The following TTC8 variants were observed in gnomAD, a reference collection of about 807,000 sequenced individuals.
The protein encoded by TTC8 is tetratricopeptide repeat protein 8.
Under a neutral mutation model 72.5 loss-of-function variants are expected in TTC8, and 47 were observed. The ratio of observed to expected loss-of-function variants is 0.65; its 90% CI spans 0.51 to 0.83. The LOEUF is 0.83. Ranked by LOEUF, TTC8 falls within the 40% of genes least tolerant of loss-of-function variation. The pLI, the probability that TTC8 is intolerant of heterozygous loss-of-function variation, is 0.00. For missense variants in TTC8, 611 were observed against 623.2 expected (o/e 0.98, Z 0.21); for synonymous variants, 199 against 221.4 (o/e 0.90, Z 0.90).
intron 2 of TTC8, 70 bp downstream of exon 2, chr14:88,833,792 A>G: frequency 2.1e-6 from 3 of 1,460,368 alleles, no homozygotes; most frequent in Non-Finnish European, 2.9e-6. Flanking sequence ...TTGTTGCTAT[A>G]GATTAGAAAA....
At chr14:88,832,025 G>T (rs1409667781) in intron 1 of TTC8, among the ~76,000 whole-genome samples, 1 of 152,048 alleles carries the variant, frequency 6.6e-6, no homozygotes, top group Non-Finnish European at 1.5e-5. Context: ...TACCCACTTA[G>T]GCCTGGTCTC....
Position 88,824,680 on chromosome 14 carries a change from T to G in TTC8, c.-28T>G, listed in dbSNP as rs765810611. 2 of 1,566,144 alleles carry G rather than the reference T, an allele frequency of 1.3e-6. No individual in the cohort carries two copies. The highest frequency in any genetic ancestry group is 1.7e-6 in the Non-Finnish European group (2 of 1,151,452). On this transcript the variant is annotated 5_prime_UTR_variant, in exon 1 of 15. Coordinates refer to ENST00000380656, the MANE Select transcript of TTC8 (RefSeq NM_144596.4). Reference sequence around the variant, plus strand: ...CACGCCCACCTCTCTCCTGGAGCGCTGGGCCTTCGCTGGCCGCACCGGCAG... The same window carrying G: ...CACGCCCACCTCTCTCCTGGAGCGCGGGGCCTTCGCTGGCCGCACCGGCAG...
chr14:88,838,406 C>T (rs2094763271), intron 2 of TTC8, among the ~76,000 whole-genome samples: 1 of 152,106 alleles, frequency 6.6e-6, no homozygotes, highest in South Asian at 2.1e-4. Context: ...TCTGGACCTC[C>T]TGTAGCTCTC....
At chr14:88,838,885 A>T (rs944068435) in intron 2 of TTC8, among the ~76,000 whole-genome samples, 2 of 152,200 alleles carry the variant, frequency 1.3e-5, no homozygotes, top group Non-Finnish European at 2.9e-5. Flanking sequence ...ACATTTCTTG[A>T]ATACCTACTG....
chr14:88,875,265 C>T (rs564377041), intron 14 of TTC8, among the ~76,000 whole-genome samples, 156 bp downstream of exon 14: 2 of 152,190 alleles, frequency 1.3e-5, no homozygotes, highest in East Asian at 3.9e-4. Flanking sequence ...TACATCTTTA[C>T]TTCAAGGGAC....
intron 7 of TTC8, 43 bp from the exon 8 acceptor site, chr14:88,852,928 G>T: frequency 6.6e-7 from 1 of 1,515,722 alleles, no homozygotes; most frequent in Non-Finnish European, 9.2e-7. Context: ...ACTGCTTATT[G>T]TTAGAAAAGA....
At chr14:88,851,677 G>A (rs999602539) in intron 7 of TTC8, among the ~76,000 whole-genome samples, 1 of 149,666 alleles carries the variant, frequency 6.7e-6, no homozygotes, top group African/African-American at 2.5e-5. Flanking sequence ...ATTTTTTTTT[G>A]TTTCATTTTT....
Position 88,872,434 on chromosome 14 carries a change from G to A in TTC8, c.1329G>A (p.Arg443=). 2 of 1,613,938 alleles carry A rather than the reference G, an allele frequency of 1.2e-6. No homozygotes were observed. The highest frequency in any genetic ancestry group is 1.7e-4 in the Middle Eastern group (1 of 6,028). ...ACAACCTGGCTGTGCTGGAGATGCG[G>A]AAGGGCCACGTTGAACAGGTCAGTG... The part of the protein sequence containing the change: ...AYNNLAVLEM[R]KGHVEQARAL... Residue 443 remains arginine, a synonymous_variant, in exon 13 of 15, where the codon CGG becomes CGA. Coordinates refer to ENST00000380656, the MANE Select transcript of TTC8 (RefSeq NM_144596.4).
chr14:88,853,856 T>C (rs573947450), intron 8 of TTC8, among the ~76,000 whole-genome samples: 6 of 152,226 alleles, frequency 3.9e-5, no homozygotes, highest in Admixed American at 2.6e-4. Context: ...TTTGGAAAAA[T>C]AGAAACAAAT....
At chr14:88,841,827 T>C (rs2094783194) in intron 6 of TTC8, among the ~76,000 whole-genome samples, 1 of 152,234 alleles carries the variant, frequency 6.6e-6, no homozygotes, top group East Asian at 1.9e-4. Flanking sequence ...TATATGTACG[T>C]ATTTTTTTCC....
chr14:88,857,516 G>T (rs1359648366), intron 9 of TTC8, among the ~76,000 whole-genome samples: 3 of 152,076 alleles, frequency 2.0e-5, no homozygotes, highest in Non-Finnish European at 4.4e-5. Flanking sequence ...TGCCCATTAG[G>T]ACAGGAGAAA....
At chr14:88,824,290 GGAA>G (rs1289082195), upstream of TTC8, 1 of 170,646 alleles carries the variant, frequency 5.9e-6, no homozygotes, top group Non-Finnish European at 1.3e-5. Context: ...ACGAGCGAAT[GGAA>G]GAAGTAGGAC....
chr14:88,872,514 G>A (rs1431916215), intron 13 of TTC8, 62 bp downstream of exon 13: 15 of 1,604,724 alleles, frequency 9.3e-6, no homozygotes, highest in African/African-American at 1.3e-5. Context: ...GCTGTCATGT[G>A]TGGTAGCATT....
intron 10 of TTC8, among the ~76,000 whole-genome samples, chr14:88,868,301 A>G (rs1013791252): frequency 3.3e-5 from 5 of 152,216 alleles, no homozygotes; most frequent in African/African-American, 4.8e-5. Flanking sequence ...TAATAAGTAA[A>G]TGTTTAAAGA....
intron 9 of TTC8, among the ~76,000 whole-genome samples, chr14:88,858,658 A>G (rs1011574607): frequency 2.7e-5 from 4 of 150,928 alleles, no homozygotes; most frequent in African/African-American, 9.8e-5. Context: ...CACTGCCATT[A>G]TCACGGCTCA....
chr14:88,863,493 A>G (rs913397635), intron 10 of TTC8, among the ~76,000 whole-genome samples: 46 of 152,296 alleles, frequency 3.0e-4, no homozygotes, highest in African/African-American at 1.1e-3. Flanking sequence ...CATGGTTACT[A>G]TTGGGTGCTG....
rs143764681 is a variant in TTC8, at chr14:88,857,125, C to T, written c.711-65C>T. ...CTCTTATAATTTGTCTCTATTCATC[C>T]TCAGGGTATGATGTAGTGTTTATTT... On this transcript the variant is annotated intron_variant, in intron 8 of 14. Transcript: ENST00000380656. The T allele has an allele frequency of 5.7e-6, 8 of 1,395,140 alleles. No individual in the cohort carries two copies. In the East Asian group the frequency reaches 1.6e-4, roughly 28 times the overall value. 86.4% of individuals were successfully genotyped at this position (1,395,140 alleles called of 1,614,324 possible).
At chr14:88,863,862 T>A (rs1391070521) in intron 10 of TTC8, among the ~76,000 whole-genome samples, 1 of 152,244 alleles carries the variant, frequency 6.6e-6, no homozygotes, top group Non-Finnish European at 1.5e-5. Context: ...AATTGTAAGA[T>A]CTTGTTCATA....
At chr14:88,828,308 T>C (rs1032928969) in intron 1 of TTC8, among the ~76,000 whole-genome samples, 2 of 152,200 alleles carry the variant, frequency 1.3e-5, no homozygotes, top group African/African-American at 4.8e-5. Context: ...AGTTAAATGA[T>C]GGAGAGATTC....
Sources: allele counts gnomAD v4.1 joint callset (sites outside exome capture counted in the v4.1 genomes callset), GRCh38; gene constraint gnomAD v4.1.1; transcripts MANE v1.5; gene names NCBI Gene and HGNC (gene_info 2026-07-23, HGNC 2026-07-21).